Variants in ARHGAP39 observed in about 807,000 individuals in gnomAD.
ARHGAP39 encodes rho GTPase-activating protein 39.
ARHGAP39 carries 44 observed loss-of-function variants against 106.9 expected under a neutral mutation model. The ratio of observed to expected loss-of-function variants is 0.41; its 90% CI spans 0.32 to 0.53. The LOEUF (loss-of-function observed/expected upper bound fraction) is 0.53. Among genes scored for constraint, ARHGAP39 ranks in the 20% least tolerant of loss-of-function variants. The pLI is 0.21. For synonymous variants in ARHGAP39, 768 were observed against 693.2 expected (o/e 1.11, Z -1.69); for missense variants, 1,496 against 1,577.3 (o/e 0.95, Z 0.87).
At chr8:144,546,989 C>T (rs567371152) in intron 5 of ARHGAP39, 138 bp downstream of exon 5, 15 of 1,143,540 alleles carry the variant, frequency 1.3e-5, no homozygotes, top group South Asian at 3.5e-5. Flanking sequence ...CCCAGGGCCC[C>T]GGAGACACGG....
intron 1 of ARHGAP39, among the ~76,000 whole-genome samples, chr8:144,633,137 G>GT (rs201017011): frequency 0.021 from 3,201 of 149,704 alleles, 93 homozygotes; most frequent in African/African-American, 0.07. Context: ...GCAAGACCCT[G>GT]TTTTTTTTTG....
chr8:144,682,348 G>A (rs1822446624), intron 1 of ARHGAP39, among the ~76,000 whole-genome samples: 2 of 150,412 alleles, frequency 1.3e-5, no homozygotes, highest in Admixed American at 6.6e-5. Context: ...AGGAGATCGA[G>A]ACCATCTTGG....
chr8:144,593,997 G>A (rs938017933), intron 2 of ARHGAP39, among the ~76,000 whole-genome samples: 19 of 150,730 alleles, frequency 1.3e-4, no homozygotes, highest in Non-Finnish European at 8.8e-5. Flanking sequence ...GCTGAGGCAG[G>A]AGAATTGCTT....
intron 2 of ARHGAP39, among the ~76,000 whole-genome samples, chr8:144,600,808 TGC>T (rs1459466519): frequency 8.6e-5 from 13 of 150,914 alleles, no homozygotes; most frequent in African/African-American, 2.7e-4. Context: ...TCTACCTACC[TGC>T]GCGTGTGTGT....
the ARHGAP39 span, among the ~76,000 whole-genome samples, chr8:144,693,609 G>A: frequency 6.6e-6 from 1 of 151,562 alleles, no homozygotes; most frequent in African/African-American, 2.4e-5. Context: ...TCCTGACCTC[G>A]TGATCCACCC....
intron 2 of ARHGAP39, among the ~76,000 whole-genome samples, chr8:144,587,844 G>A (rs1819239612): frequency 6.6e-6 from 1 of 152,084 alleles, no homozygotes; most frequent in African/African-American, 2.4e-5. Flanking sequence ...GTAGAGATGG[G>A]GTTTCACCAC....
At chr8:144,677,577 T>C (rs1270899879) in intron 1 of ARHGAP39, among the ~76,000 whole-genome samples, 1 of 152,094 alleles carries the variant, frequency 6.6e-6, no homozygotes, top group Non-Finnish European at 1.5e-5. Flanking sequence ...CCAAATACAG[T>C]GCGGCCATGG....
chr8:144,617,446 C>T (rs1282127984), intron 1 of ARHGAP39, among the ~76,000 whole-genome samples: 3 of 144,508 alleles, frequency 2.1e-5, no homozygotes, highest in African/African-American at 2.5e-5. Context: ...GACCTGAGCA[C>T]CCAGCGCCGC....
intron 1 of ARHGAP39, among the ~76,000 whole-genome samples, chr8:144,650,419 G>A (rs1339143527): frequency 3.3e-5 from 5 of 152,118 alleles, no homozygotes; most frequent in African/African-American, 1.2e-4. Context: ...GCATCATCCT[G>A]ATACCAAAAC....
chr8:144,640,880 C>T (rs376291813), intron 1 of ARHGAP39, among the ~76,000 whole-genome samples: 1 of 152,104 alleles, frequency 6.6e-6, no homozygotes, highest in African/African-American at 2.4e-5. Context: ...CCACGTTTTC[C>T]GATTCACACA....
chr8:144,688,450 C>T (rs1434172155), upstream of ARHGAP39, among the ~76,000 whole-genome samples: 1 of 152,136 alleles, frequency 6.6e-6, no homozygotes, highest in Non-Finnish European at 1.5e-5. Context: ...ATCTAAAGTC[C>T]CCACTAATGG....
At chr8:144,568,077 A>C (rs1818465979) in intron 3 of ARHGAP39, among the ~76,000 whole-genome samples, 1 of 152,188 alleles carries the variant, frequency 6.6e-6, no homozygotes, top group Non-Finnish European at 1.5e-5. Context: ...GATGCCTGTA[A>C]TCCCAGCACC....
intron 2 of ARHGAP39, among the ~76,000 whole-genome samples, chr8:144,588,833 G>A (rs1819280946): frequency 2.6e-5 from 4 of 152,378 alleles, no homozygotes; most frequent in South Asian, 4.1e-4. Context: ...GCAGCACGCC[G>A]CCTCTGTGGT....
rs1316589258 is a variant in ARHGAP39 at position 144,580,953 on chromosome 8, G to T, written c.405C>A (p.Ser135Arg). The T allele has an allele frequency of 6.2e-7, 1 of 1,604,552 alleles. No homozygotes were observed. The highest frequency in any genetic ancestry group is 8.5e-7 in the Non-Finnish European group (1 of 1,177,362). Reference protein sequence around the residue: ...GRGSSVSREGSTSSSLEPEPD... With the variant: ...GRGSSVSREGRTSSSLEPEPD... ...GCTCGGGCTCCAGGGAGGAGCTGGT[G>T]CTGCCCTCACGGCTGACGCTGCTGC... The change falls in exon 3 of 12, where the codon AGC (serine) becomes AGA (arginine). Residue 135 changes from serine to arginine, a missense_variant. By Grantham distance (110) the Ser-to-Arg change is moderately radical (BLOSUM62 -1). Around this residue, in one of 4 missense-constraint regions of ARHGAP39, gnomAD observed 905 missense variants for 816.4 expected, o/e 1.11. Coordinates refer to ENST00000377307, the MANE Select transcript of ARHGAP39 (RefSeq NM_025251.3).
chr8:144,601,103 T>TGC (rs1271778259), intron 2 of ARHGAP39, among the ~76,000 whole-genome samples: 26 of 142,864 alleles, frequency 1.8e-4, no homozygotes, highest in African/African-American at 3.4e-4. Flanking sequence ...GAGGTGTGTG[T>TGC]GACCTCATGT....
At chr8:144,602,477 G>C (rs1196416337) in intron 2 of ARHGAP39, among the ~76,000 whole-genome samples, 1 of 140,962 alleles carries the variant, frequency 7.1e-6, no homozygotes, top group Non-Finnish European at 1.5e-5. Context: ...GCATGTGCGT[G>C]GTGTGTGCGC....
rs771724538 is a variant in ARHGAP39, at chr8:144,547,133, G to A, written c.1953C>T (p.Pro651=). 6 of 1,595,672 alleles carry A rather than the reference G, an allele frequency of 3.8e-6. No homozygotes were observed. The highest frequency in any genetic ancestry group is 2.7e-5 in the African/African-American group (2 of 74,534). ...GCGCCCATTGGGCCCTCACCTGTGAGGGGTGGAGGTAGGGCTCTGGTGAGG... is the reference window on the plus strand; with the variant it reads ...GCGCCCATTGGGCCCTCACCTGTGAAGGGTGGAGGTAGGGCTCTGGTGAGG... ...NLASPEPYLH[P]SQSEDLAACA... Residue 651 remains proline (P), a synonymous_variant, in exon 5 of 12, where the codon CCC becomes CCT. Transcript: ENST00000377307. The surrounding 1 kb of genome is among the most constrained non-coding windows in gnomAD (Gnocchi z 5.2).
the ARHGAP39 span, among the ~76,000 whole-genome samples, chr8:144,699,490 G>A: frequency 2.1e-5 from 3 of 142,210 alleles, no homozygotes. Context: ...GGGGCCTGGC[G>A]CTGTCAGGGG....
intron 9 of ARHGAP39, 143 bp from the exon 10 acceptor site, chr8:144,532,539 C>G: frequency 1.5e-6 from 1 of 684,540 alleles, no homozygotes; most frequent in South Asian, 1.8e-5. Flanking sequence ...CGGTTGGCCT[C>G]TTTCCCACGA....
Sources: gnomAD v4.1 joint callset for allele counts (sites outside exome capture counted in the v4.1 genomes callset) on GRCh38, gnomAD v4.1.1 for gene constraint, gnomAD v4.1.1 regional missense constraint, Gnocchi (gnomAD v3.1) non-coding constraint, MANE v1.5 for transcripts, NCBI Gene and HGNC (gene_info 2026-07-23, HGNC 2026-07-21) for gene names.